Variants in WLS observed in about 807,000 individuals in gnomAD.
WLS encodes Wnt ligand secretion mediator.
WLS carries 23 observed loss-of-function variants against 62.8 expected under a neutral mutation model. The ratio of observed to expected loss-of-function variants is 0.37; its 90% CI spans 0.26 to 0.52. WLS has a LOEUF of 0.52. WLS is among the 20% of genes least tolerant of loss of function. The pLI is 0.92. For synonymous variants in WLS, 246 were observed against 244.1 expected, an observed-to-expected ratio of 1.01 and a Z score of -0.07; for missense variants, 615 against 697.3, an observed-to-expected ratio of 0.88 and a Z score of 1.33.
At chr1:68,124,498 T>C (rs1646400687), downstream of WLS, among the ~76,000 whole-genome samples, 1 of 152,134 alleles carries the variant, frequency 6.6e-6, no homozygotes, top group Non-Finnish European at 1.5e-5. Flanking sequence ...CTTTCTCCTT[T>C]AAGGTCTATC....
intron 11 of WLS, among the ~76,000 whole-genome samples, chr1:68,119,655 C>T (rs1401052088): frequency 6.6e-6 from 1 of 152,260 alleles, no homozygotes; most frequent in East Asian, 1.9e-4. Flanking sequence ...TTTGCATTCC[C>T]TTCTTCTCAG....
intron 2 of WLS, among the ~76,000 whole-genome samples, chr1:68,186,951 C>A (rs1411341991): frequency 6.6e-6 from 1 of 151,976 alleles, no homozygotes; most frequent in Non-Finnish European, 1.5e-5. Flanking sequence ...GTAGCTCACG[C>A]CTGTAATCCC....
intron 11 of WLS, among the ~76,000 whole-genome samples, chr1:68,109,503 T>C (rs1646192653): frequency 6.6e-6 from 1 of 152,156 alleles, no homozygotes; most frequent in African/African-American, 2.4e-5. Flanking sequence ...AATTACAAAA[T>C]TCATTCAAAA....
chr1:68,102,601 G>C (rs1646093394), intron 11 of WLS: 1 of 152,096 alleles, frequency 6.6e-6, no homozygotes, highest in Admixed American at 6.6e-5. Flanking sequence ...AACCAATAAA[G>C]GTCCTATATT....
rs111376462 is a variant in WLS, at chr1:68,206,589, G to A, written c.107-12362C>T. On this transcript the variant is annotated intron_variant, in intron 1 of 11. Coordinates refer to ENST00000262348, the MANE Select transcript of WLS (RefSeq NM_024911.7). ...CTTCATATATAATATTTAGAGCTTCGATTCTGGGCCACAAGTTGATCTGCT... is the reference window on the plus strand; with the variant it reads ...CTTCATATATAATATTTAGAGCTTCAATTCTGGGCCACAAGTTGATCTGCT... Among the ~76,000 whole-genome samples the A allele has an allele frequency of 1.2e-3, 179 of 152,258 alleles. 1 individual carries two copies. Among genetic ancestry groups the A allele is most frequent in the African/African-American group, 4.2e-3 (175 of 41,550 alleles).
At chr1:68,213,415 C>T (rs180904540) in intron 1 of WLS, among the ~76,000 whole-genome samples, 129 of 147,196 alleles carry the variant, frequency 8.8e-4, no homozygotes, top group African/African-American at 3.2e-3. Flanking sequence ...TGCGCCATTG[C>T]TCTCCAGACT....
In WLS at chr1:68,163,115, A is replaced by G. The variant is rs112530603; in HGVS notation, c.380-3868T>C. On this transcript the variant is annotated intron_variant, in intron 2 of 11. Transcript: ENST00000262348. ...TACTTTATGGAACTTTGCAACTCTCAGATCAAAAGGCAAAGCAGTCCTCTA... is the reference window on the plus strand; with the variant it reads ...TACTTTATGGAACTTTGCAACTCTCGGATCAAAAGGCAAAGCAGTCCTCTA... The G allele has an allele frequency of 9.0e-5, 136 of 1,502,834 alleles. 2 individuals are homozygous for G. The African/African-American group carries it at 1.4e-3, about 16-fold the overall frequency. The allele number at this position is 1,502,834 out of a possible 1,614,324, so 93.1% of individuals were successfully genotyped here.
chr1:68,123,358 C>G (rs923172856), downstream of WLS, among the ~76,000 whole-genome samples: 1 of 151,978 alleles, frequency 6.6e-6, no homozygotes, highest in Admixed American at 6.6e-5. Context: ...TTTGAAACCC[C>G]ACATTTCTCT....
chr1:68,153,458 A>T, intron 5 of WLS, 59 bp downstream of exon 5: 1 of 1,607,782 alleles, frequency 6.2e-7, no homozygotes. Context: ...CAAAAGCAAG[A>T]GCTTGGCAGA....
chr1:68,227,850 A>G (rs1366360553), intron 1 of WLS, among the ~76,000 whole-genome samples: 2 of 152,216 alleles, frequency 1.3e-5, no homozygotes, highest in East Asian at 3.9e-4. Context: ...CAACAAGCTT[A>G]AAATCTAATA....
intron 2 of WLS, among the ~76,000 whole-genome samples, chr1:68,165,281 C>T (rs542906702): frequency 9.2e-5 from 14 of 152,166 alleles, no homozygotes; most frequent in Non-Finnish European, 1.2e-4. Flanking sequence ...AAGTTTGGGC[C>T]CCACACTTTT....
At chr1:68,132,003 C>A (rs998611674) in intron 11 of WLS, among the ~76,000 whole-genome samples, 25 of 152,206 alleles carry the variant, frequency 1.6e-4, no homozygotes, top group African/African-American at 5.3e-4. Context: ...TTGTTTAGGA[C>A]ACCCTGTCTG....
At chr1:68,178,716 A>AAAG (rs1557500045) in intron 2 of WLS, among the ~76,000 whole-genome samples, 1 of 151,378 alleles carries the variant, frequency 6.6e-6, no homozygotes, top group African/African-American at 2.4e-5. Flanking sequence ...AAAAAAAAAA[A>AAAG]AAAGAAAAGA....
intron 2 of WLS, among the ~76,000 whole-genome samples, chr1:68,193,420 A>C (rs1247703402): frequency 4.4e-5 from 6 of 136,356 alleles, no homozygotes; most frequent in African/African-American, 1.6e-4. Context: ...AAAAAAAAAA[A>C]AAAAAAAAAA....
At chr1:68,175,997 A>G (rs766773962) in intron 2 of WLS, among the ~76,000 whole-genome samples, 4 of 152,220 alleles carry the variant, frequency 2.6e-5, no homozygotes, top group Non-Finnish European at 5.9e-5. Flanking sequence ...GTAAAGGAAA[A>G]AGTAGGCTAG....
chr1:68,161,583 AGAC>A (rs1213439070), intron 2 of WLS, among the ~76,000 whole-genome samples: 1 of 152,260 alleles, frequency 6.6e-6, no homozygotes, highest in East Asian at 1.9e-4. Flanking sequence ...TTCCGTAAGC[AGAC>A]GACATCTTCA....
At chr1:68,114,290 A>G (rs1037494892) in intron 11 of WLS, among the ~76,000 whole-genome samples, 2 of 152,190 alleles carry the variant, frequency 1.3e-5, no homozygotes, top group African/African-American at 4.8e-5. Context: ...CTTGTGGCAT[A>G]AGGAGGATAT....
intron 4 of WLS, among the ~76,000 whole-genome samples, chr1:68,154,466 A>C (rs1169018830): frequency 6.6e-6 from 1 of 152,228 alleles, no homozygotes; most frequent in Non-Finnish European, 1.5e-5. Context: ...TTTATATTAC[A>C]TATACCATTA....
intron 6 of WLS, among the ~76,000 whole-genome samples, chr1:68,149,542 G>A (rs1646797696): frequency 6.6e-6 from 1 of 152,208 alleles, no homozygotes; most frequent in Non-Finnish European, 1.5e-5. Flanking sequence ...TGAAGCCCAT[G>A]TGCCTGACGT....
Sources: allele counts gnomAD v4.1 joint callset (sites outside exome capture counted in the v4.1 genomes callset), GRCh38; gene constraint gnomAD v4.1.1; transcripts MANE v1.5; gene names NCBI Gene and HGNC (gene_info 2026-07-23, HGNC 2026-07-21).